C14orf132: variants seen among roughly 807,000 people sequenced by gnomAD.
The protein encoded by C14orf132 is chromosome 14 open reading frame 132.
A neutral mutation model predicts 5.8 loss-of-function variants in C14orf132; 6 were observed. The ratio of observed to expected loss-of-function variants is 1.03; its 90% CI spans 0.57 to 2.04. C14orf132 has a LOEUF of 2.04. Among genes scored for constraint, C14orf132 ranks in the 30% most tolerant of loss-of-function variants. C14orf132 has a pLI of 0.00. For missense variants in C14orf132, 125 were observed against 115.8 expected (o/e 1.08, Z -0.37); for synonymous variants, 51 against 49.8 (o/e 1.02, Z -0.10).
At chr14:96,070,581 G>GTCTCTCTC (rs150319643) in intron 1 of C14orf132, among the ~76,000 whole-genome samples, 138 of 144,530 alleles carry the variant, frequency 9.5e-4, no homozygotes, top group African/African-American at 3.2e-3. Context: ...GGTAGATGAA[G>GTCTCTCTC]TCTCTCTCTC....
chr14:96,055,576 C>G (rs1887158303), intron 1 of C14orf132, among the ~76,000 whole-genome samples: 1 of 152,174 alleles, frequency 6.6e-6, no homozygotes, highest in East Asian at 1.9e-4. Context: ...CTCAGCTTGG[C>G]CACTGCTGAG....
intron 1 of C14orf132, among the ~76,000 whole-genome samples, chr14:96,078,798 C>G (rs1887950080): frequency 6.6e-6 from 1 of 152,218 alleles, no homozygotes; most frequent in Non-Finnish European, 1.5e-5. Context: ...CTGCCCGCCC[C>G]AGCTCAGGAG....
intron 1 of C14orf132, among the ~76,000 whole-genome samples, chr14:96,077,642 T>A (rs1356438529): frequency 6.6e-6 from 1 of 152,232 alleles, no homozygotes; most frequent in East Asian, 1.9e-4. Context: ...AAATCTCTGC[T>A]GTTTAAGCCA....
intron 1 of C14orf132, among the ~76,000 whole-genome samples, chr14:96,054,050 C>T (rs1887109411): frequency 6.6e-6 from 1 of 152,140 alleles, no homozygotes; most frequent in Non-Finnish European, 1.5e-5. Flanking sequence ...CATAATGACC[C>T]CTCAGTTGGG....
intron 1 of C14orf132, among the ~76,000 whole-genome samples, chr14:96,084,281 C>T (rs934251313): frequency 2.0e-5 from 3 of 152,080 alleles, no homozygotes; most frequent in Non-Finnish European, 4.4e-5. Flanking sequence ...TGGCAGGGGT[C>T]GCGGGGGGAT....
intron 1 of C14orf132, among the ~76,000 whole-genome samples, chr14:96,067,614 G>A (rs535540790): frequency 4.0e-5 from 6 of 151,768 alleles, no homozygotes; most frequent in South Asian, 2.1e-4. Context: ...CAGGAGAATC[G>A]CTTGAACCCA....
At chr14:96,078,628 G>A (rs535440830) in intron 1 of C14orf132, among the ~76,000 whole-genome samples, 24 of 152,166 alleles carry the variant, frequency 1.6e-4, no homozygotes, top group Admixed American at 6.5e-5. Flanking sequence ...CCAGGCAGGA[G>A]TTCTCATGTT....
Position 96,086,500 on chromosome 14 carries a change from C to A in C14orf132, c.28-11C>A, listed in dbSNP as rs1477533147. The A allele has an allele frequency of 5.9e-6, 9 of 1,535,770 alleles. No homozygotes were observed. Among genetic ancestry groups the A allele is most frequent in the Non-Finnish European group, 7.8e-6 (9 of 1,146,712 alleles). On this transcript the variant is annotated splice_polypyrimidine_tract_variant and intron_variant, in intron 1 of 1. Transcript: ENST00000555004. Reference sequence around the variant, plus strand: ...ATGGCCCTGGATAATTCTCTCTCTCCTTCTTTGCAGCTGCCCATGATGGGG... The same window carrying A: ...ATGGCCCTGGATAATTCTCTCTCTCATTCTTTGCAGCTGCCCATGATGGGG...
At chr14:96,057,282 C>G (rs113613809) in intron 1 of C14orf132, among the ~76,000 whole-genome samples, 2,635 of 152,300 alleles carry the variant, frequency 0.017, 72 homozygotes, top group African/African-American at 0.06. Flanking sequence ...GAGGACACAG[C>G]CTTCCTCACT....
intron 1 of C14orf132, among the ~76,000 whole-genome samples, chr14:96,063,171 G>A (rs966810172): frequency 1.3e-5 from 2 of 152,110 alleles, no homozygotes; most frequent in African/African-American, 2.4e-5. Context: ...CAGCTGGGGC[G>A]GGTCTCAGGC....
rs1163242146 is a variant in C14orf132, at chr14:96,091,538, G to A, written c.*4803G>A. 1 of 159,872 alleles carries A rather than the reference G, an allele frequency of 6.3e-6. No individual in the cohort carries two copies. The highest frequency in any genetic ancestry group is 1.4e-5 in the Non-Finnish European group (1 of 73,128). 9.9% of individuals were successfully genotyped at this position (159,872 alleles called of 1,614,324 possible). A position where few individuals can be genotyped will look rare whatever the true frequency, so the allele number is the denominator to read the frequency against. ...CCGGGATTACCTGCCCCAGCCCCGA[G>A]GTGGGTTGTGCTCCCTGCAGCTGCC... On this transcript the variant is annotated 3_prime_UTR_variant, in exon 2 of 2. Transcript: ENST00000555004.
chr14:96,046,612 G>A (rs894515416), intron 1 of C14orf132, among the ~76,000 whole-genome samples: 5 of 152,252 alleles, frequency 3.3e-5, no homozygotes, highest in South Asian at 2.1e-4. Flanking sequence ...TCGCTCTTTC[G>A]CCTGTCTCTT....
intron 1 of C14orf132, among the ~76,000 whole-genome samples, chr14:96,044,087 T>G (rs1375161973): frequency 2.0e-5 from 3 of 152,190 alleles, no homozygotes; most frequent in African/African-American, 7.2e-5. Flanking sequence ...CTGCAAGAGC[T>G]GGGGGGGCCA....
At chr14:96,055,434 T>C (rs1431674549) in intron 1 of C14orf132, among the ~76,000 whole-genome samples, 1 of 152,162 alleles carries the variant, frequency 6.6e-6, no homozygotes, top group Non-Finnish European at 1.5e-5. Context: ...CTTGAAAAGA[T>C]AGTCCAGAAC....
intron 1 of C14orf132, among the ~76,000 whole-genome samples, chr14:96,054,807 A>G (rs1004260988): frequency 3.3e-5 from 5 of 152,210 alleles, no homozygotes; most frequent in African/African-American, 1.2e-4. Context: ...TTTTCAGAAC[A>G]GGACATAATA....
At position 96,059,740 on chromosome 14, in the gene C14orf132, C is replaced by T. The variant is rs75475244; in HGVS notation, c.27+20213C>T. Among the ~76,000 whole-genome samples, 57 of 152,344 alleles carry T rather than the reference C, an allele frequency of 3.7e-4. 1 individual carries two copies. In the East Asian group the frequency reaches 0.01, roughly 27 times the overall value. ...GGTCCCGCCTTTCCTCCTCCCTGGA[C>T]GACTGCAGGTGCTTCTCACCTGGGG... On this transcript the variant is annotated intron_variant, in intron 1 of 1. Coordinates refer to ENST00000555004, the MANE Select transcript of C14orf132 (RefSeq NM_001252507.3).
chr14:96,062,449 C>T (rs192018849), intron 1 of C14orf132, among the ~76,000 whole-genome samples: 1 of 152,238 alleles, frequency 6.6e-6, no homozygotes, highest in African/African-American at 2.4e-5. Flanking sequence ...TCGTGTTTTC[C>T]TTTCGTCAAT....
Position 96,086,602 on chromosome 14 carries a change from C to A in C14orf132, c.119C>A (p.Ala40Glu), listed in dbSNP as rs543859832. The A allele has an allele frequency of 6.5e-7, 1 of 1,536,154 alleles. No homozygotes were observed. The highest frequency in any genetic ancestry group is 8.7e-7 in the Non-Finnish European group (1 of 1,146,916). ...SLFNSSANVH[A>E]AANGQGQPED... is the part of the protein sequence containing the mutation. ...TTTAACTCCTCTGCCAATGTCCACG[C>A]GGCTGCCAATGGCCAGGGCCAGCCG... Residue 40 changes from alanine to glutamate, a missense_variant, in exon 2 of 2, where the codon GCG becomes GAG. Ala to Glu is a moderately radical substitution (Grantham distance 107). Transcript: ENST00000555004.
intron 1 of C14orf132, among the ~76,000 whole-genome samples, chr14:96,080,188 T>G (rs1887988542): frequency 6.6e-6 from 1 of 152,140 alleles, no homozygotes; most frequent in Non-Finnish European, 1.5e-5. Context: ...TGACCTTAGA[T>G]GTCACCCCAT....
Sources: allele counts gnomAD v4.1 joint callset (sites outside exome capture counted in the v4.1 genomes callset), GRCh38; gene constraint gnomAD v4.1.1; transcripts MANE v1.5; gene names NCBI Gene and HGNC (gene_info 2026-07-23, HGNC 2026-07-21).